The following ZNF804B variants were observed in gnomAD, a reference collection of about 807,000 sequenced individuals.
The protein encoded by ZNF804B is zinc finger 804B.
ZNF804B carries 80 observed loss-of-function variants against 101.4 expected under a neutral mutation model. That is an observed-to-expected ratio of 0.79 (90% CI 0.66 to 0.95). The LOEUF (loss-of-function observed/expected upper bound fraction) is 0.95, where lower values mean the gene tolerates loss of function less well. Ranked by LOEUF, ZNF804B falls within the 40% of genes least tolerant of loss-of-function variation. ZNF804B has a pLI of 0.00. For missense variants in ZNF804B, 1,673 were observed against 1,561.9 expected (o/e 1.07, Z -1.20); for synonymous variants, 622 against 558.8 (o/e 1.11, Z -1.59).
intron 2 of ZNF804B, among the ~76,000 whole-genome samples, chr7:89,222,688 T>C (rs928772071): frequency 7.9e-5 from 12 of 151,932 alleles, no homozygotes; most frequent in Non-Finnish European, 1.5e-4. Context: ...TTGTCTTGTG[T>C]CTCTTTTTCA....
At chr7:89,276,998 A>C (rs1789990968) in intron 2 of ZNF804B, among the ~76,000 whole-genome samples, 1 of 151,386 alleles carries the variant, frequency 6.6e-6, no homozygotes. Flanking sequence ...TACATCTGGA[A>C]TTTGCTAGCA....
chr7:88,911,493 C>A (rs1792550281), intron 1 of ZNF804B, among the ~76,000 whole-genome samples: 1 of 145,554 alleles, frequency 6.9e-6, no homozygotes, highest in African/African-American at 2.5e-5. Flanking sequence ...ATATTTATAC[C>A]AACATTATTT....
intron 2 of ZNF804B, among the ~76,000 whole-genome samples, chr7:89,324,536 T>G (rs1338084802): frequency 1.3e-5 from 2 of 150,980 alleles, no homozygotes; most frequent in African/African-American, 4.8e-5. Flanking sequence ...TAATATATTA[T>G]TATTATGTTT....
At chr7:88,993,657 G>A (rs569428962) in intron 1 of ZNF804B, among the ~76,000 whole-genome samples, 46 of 151,952 alleles carry the variant, frequency 3.0e-4, no homozygotes, top group African/African-American at 8.9e-4. Context: ...TTAAGCATTC[G>A]TTTATTTAAA....
intron 1 of ZNF804B, chr7:88,795,525 C>G (rs1249738998): frequency 1.3e-5 from 2 of 152,038 alleles, no homozygotes; most frequent in African/African-American, 4.8e-5. Context: ...ATTTCTCCCC[C>G]CTTTATTTGT....
At chr7:88,999,245 C>G (rs944788658) in intron 1 of ZNF804B, among the ~76,000 whole-genome samples, 1 of 151,944 alleles carries the variant, frequency 6.6e-6, no homozygotes, top group African/African-American at 2.4e-5. Flanking sequence ...GAATTTAACT[C>G]AAAGTTCTAT....
At chr7:89,219,065 T>G (rs1036780216) in intron 2 of ZNF804B, among the ~76,000 whole-genome samples, 1 of 152,050 alleles carries the variant, frequency 6.6e-6, no homozygotes, top group African/African-American at 2.4e-5. Context: ...GTGACAGATT[T>G]AGAATCCTGG....
intron 1 of ZNF804B, among the ~76,000 whole-genome samples, chr7:89,033,369 A>G (rs1788869928): frequency 6.6e-6 from 1 of 152,184 alleles, no homozygotes; most frequent in Admixed American, 6.6e-5. Flanking sequence ...CTGTTGATGT[A>G]CACTTAGGTT....
At chr7:89,196,594 G>A (rs1788556856) in intron 1 of ZNF804B, among the ~76,000 whole-genome samples, 1 of 152,026 alleles carries the variant, frequency 6.6e-6, no homozygotes, top group African/African-American at 2.4e-5. Flanking sequence ...GATGCCAAAA[G>A]CAATTGCAAC....
At chr7:89,079,863 G>T (rs1000128656) in intron 1 of ZNF804B, among the ~76,000 whole-genome samples, 1 of 151,938 alleles carries the variant, frequency 6.6e-6, no homozygotes, top group African/African-American at 2.4e-5. Context: ...TATTCAGGGA[G>T]CAGCAAGAGG....
At chr7:88,786,461 G>A (rs1790304190) in intron 1 of ZNF804B, among the ~76,000 whole-genome samples, 1 of 152,018 alleles carries the variant, frequency 6.6e-6, no homozygotes, top group Non-Finnish European at 1.5e-5. Context: ...ACTGAATGCA[G>A]ATATAAGATT....
chr7:88,966,343 A>T (rs1214419473), intron 1 of ZNF804B, among the ~76,000 whole-genome samples: 1 of 151,588 alleles, frequency 6.6e-6, no homozygotes, highest in Admixed American at 6.6e-5. Flanking sequence ...AAATGATTGT[A>T]ACATTAATCT....
Position 89,333,878 on chromosome 7 carries a change from A to T in ZNF804B, c.896A>T (p.Asn299Ile), listed in dbSNP as rs777615058. 6.2e-7 allele frequency: 1 copy of T among 1,613,172 alleles called. No individual in the cohort carries two copies. The highest frequency in any genetic ancestry group is 8.5e-7 in the Non-Finnish European group (1 of 1,179,612). The change falls in exon 4 of 4, where the codon AAC becomes ATC. Residue 299 changes from asparagine to isoleucine, a missense_variant. Coordinates refer to ENST00000333190, the MANE Select transcript of ZNF804B (RefSeq NM_181646.5). ...GTTTTACACAATACCATCTCCATAA[A>T]CTCTAAAATTTTGCAAGACAAACAC... is the stretch of plus-strand genomic sequence containing the variant. ...ESVLHNTISI[N>I]SKILQDKHDS... is the part of the protein sequence containing the mutation.
chr7:88,976,375 A>C (rs1793615814), intron 1 of ZNF804B, among the ~76,000 whole-genome samples: 1 of 151,446 alleles, frequency 6.6e-6, no homozygotes, highest in African/African-American at 2.4e-5. Flanking sequence ...GTTTCTTCCC[A>C]TTTATAAAGA....
chr7:89,296,122 C>CCA (rs1790378466), intron 2 of ZNF804B, among the ~76,000 whole-genome samples: 1 of 152,000 alleles, frequency 6.6e-6, no homozygotes, highest in Non-Finnish European at 1.5e-5. Context: ...GTAACCAAAA[C>CCA]CACTTGTACC....
chr7:88,887,083 A>T (rs1303595356), intron 1 of ZNF804B, among the ~76,000 whole-genome samples: 1 of 152,186 alleles, frequency 6.6e-6, no homozygotes, highest in African/African-American at 2.4e-5. Flanking sequence ...AATGGCTACT[A>T]TAAAAAGTCA....
At chr7:89,286,921 C>A (rs71557046) in intron 2 of ZNF804B, among the ~76,000 whole-genome samples, 1 of 152,108 alleles carries the variant, frequency 6.6e-6, no homozygotes, top group African/African-American at 2.4e-5. Context: ...TCTCCTGCCT[C>A]CCCTTCCACC....
At chr7:89,147,267 C>T (rs1252667123) in intron 1 of ZNF804B, among the ~76,000 whole-genome samples, 1 of 151,844 alleles carries the variant, frequency 6.6e-6, no homozygotes, top group Non-Finnish European at 1.5e-5. Context: ...AAATGTTGAA[C>T]AATTATCACC....
chr7:89,016,116 T>C (rs1222667626), intron 1 of ZNF804B, among the ~76,000 whole-genome samples: 1 of 152,136 alleles, frequency 6.6e-6, no homozygotes, highest in Non-Finnish European at 1.5e-5. Context: ...CATGTGTTTT[T>C]TGGCTGCATA....
Sources: gnomAD v4.1 joint callset for allele counts (sites outside exome capture counted in the v4.1 genomes callset) on GRCh38, gnomAD v4.1.1 for gene constraint, MANE v1.5 for transcripts, NCBI Gene and HGNC (gene_info 2026-07-23, HGNC 2026-07-21) for gene names.